The following ZNF804B variants were observed in gnomAD, a reference collection of about 807,000 sequenced individuals.
ZNF804B encodes the protein zinc finger 804B.
A neutral mutation model predicts 101.4 loss-of-function variants in ZNF804B; 80 were observed. The observed-to-expected ratio is 0.79, with a 90% CI of 0.66 to 0.95. The LOEUF is 0.95. Ranked by LOEUF, ZNF804B falls within the 40% of genes least tolerant of loss-of-function variation. The pLI is 0.00. For synonymous variants in ZNF804B, 622 were observed against 558.8 expected (o/e 1.11, Z -1.59); for missense variants, 1,673 against 1,561.9 (o/e 1.07, Z -1.20).
At chr7:89,206,209 G>A (rs1241722048) in intron 1 of ZNF804B, among the ~76,000 whole-genome samples, 1 of 152,172 alleles carries the variant, frequency 6.6e-6, no homozygotes, top group African/African-American at 2.4e-5. Context: ...TAGGTCTTTG[G>A]GCCTGTGATG....
At position 88,888,650 on chromosome 7, in the gene ZNF804B, CTGTTTGAA is replaced by C. The variant is rs1297201598; in HGVS notation, c.108+128572_108+128579del. On this transcript the variant is annotated intron_variant, in intron 1 of 3. Coordinates refer to ENST00000333190, the MANE Select transcript of ZNF804B (RefSeq NM_181646.5). ...AAAATTGATATTTTTATTACTATAA[CTGTTTGAA>C]TGTTTTACAATGAAAAAATTTCATT... 1.1e-4 allele frequency among the ~76,000 whole-genome samples: 17 copies of C among 152,136 alleles called. No individual in the cohort carries two copies. In the East Asian group the frequency reaches 2.7e-3, roughly 24 times the overall value.
chr7:88,806,385 A>G (rs1790693590), intron 1 of ZNF804B, among the ~76,000 whole-genome samples: 1 of 152,152 alleles, frequency 6.6e-6, no homozygotes, highest in African/African-American at 2.4e-5. Flanking sequence ...TGGATTTAAG[A>G]GAGGCCACAC....
At chr7:88,870,400 A>AAAAAAAAAAAAAAG (rs781332488) in intron 1 of ZNF804B, among the ~76,000 whole-genome samples, 10 of 112,726 alleles carry the variant, frequency 8.9e-5, no homozygotes, top group African/African-American at 2.0e-4. Context: ...AAAAAAAAAA[A>AAAAAAAAAAAAAAG]AAAAAAAGGT....
intron 1 of ZNF804B, among the ~76,000 whole-genome samples, chr7:88,867,631 G>C (rs989384674): frequency 2.0e-5 from 3 of 152,026 alleles, no homozygotes; most frequent in African/African-American, 4.8e-5. Context: ...CAGTTTTCTT[G>C]GTATCCCCTA....
intron 1 of ZNF804B, among the ~76,000 whole-genome samples, chr7:89,151,142 G>A (rs1404826361): frequency 6.6e-6 from 1 of 151,894 alleles, no homozygotes; most frequent in African/African-American, 2.4e-5. Flanking sequence ...AAATTTAAAG[G>A]CAGCATAATC....
intron 1 of ZNF804B, among the ~76,000 whole-genome samples, chr7:88,885,465 A>G (rs898033749): frequency 2.0e-5 from 3 of 151,780 alleles, no homozygotes; most frequent in African/African-American, 7.3e-5. Context: ...GAAGAGGACC[A>G]TATCAGATAA....
chr7:89,143,134 T>C (rs1489810329), intron 1 of ZNF804B, among the ~76,000 whole-genome samples: 1 of 151,856 alleles, frequency 6.6e-6, no homozygotes, highest in Non-Finnish European at 1.5e-5. Flanking sequence ...TGTACATGTT[T>C]TTACCCATAA....
chr7:89,251,258 A>C (rs1377926946), intron 2 of ZNF804B, among the ~76,000 whole-genome samples: 1 of 152,256 alleles, frequency 6.6e-6, no homozygotes, highest in African/African-American at 2.4e-5. Flanking sequence ...AGGATACAAA[A>C]TGAATGTACA....
At chr7:89,261,665 C>T (rs1470634428) in intron 2 of ZNF804B, among the ~76,000 whole-genome samples, 14 of 152,156 alleles carry the variant, frequency 9.2e-5, no homozygotes, top group Admixed American at 9.2e-4. Context: ...TATGGTATAG[C>T]CTGTTATCCC....
At chr7:88,944,311 G>T (rs1793095286) in intron 1 of ZNF804B, among the ~76,000 whole-genome samples, 1 of 151,680 alleles carries the variant, frequency 6.6e-6, no homozygotes. Context: ...GTATGTAAAG[G>T]TATCACAGTG....
intron 1 of ZNF804B, among the ~76,000 whole-genome samples, chr7:89,175,434 A>G (rs1239554731): frequency 1.3e-5 from 2 of 151,836 alleles, no homozygotes; most frequent in South Asian, 2.1e-4. Context: ...TCATTGGTCT[A>G]TGTGTTTTTA....
chr7:88,968,051 A>G (rs908808366), intron 1 of ZNF804B, among the ~76,000 whole-genome samples: 14 of 151,672 alleles, frequency 9.2e-5, no homozygotes, highest in Non-Finnish European at 1.5e-4. Flanking sequence ...GAGTGTGACT[A>G]TATTCTAACC....
intron 1 of ZNF804B, among the ~76,000 whole-genome samples, chr7:88,993,462 A>T (rs1226183074): frequency 6.6e-6 from 1 of 152,054 alleles, no homozygotes; most frequent in East Asian, 1.9e-4. Flanking sequence ...GAACTAGTGA[A>T]ATAAATACCT....
rs200803415 is a variant in ZNF804B, at chr7:89,335,714, C to T, written c.2732C>T (p.Thr911Ile). The T allele has an allele frequency of 1.7e-5, 27 of 1,613,994 alleles. No individual in the cohort carries two copies. In the African/African-American group the frequency reaches 2.7e-4, roughly 16 times the overall value. ...KNCSSGPSETTESNTAEGERT... is the reference protein window; with the variant it reads ...KNCSSGPSETIESNTAEGERT... ...TGTTCCAGTGGCCCTTCAGAAACCA[C>T]AGAATCAAACACTGCAGAAGGAGAG... Residue 911 changes from threonine to isoleucine, a missense_variant, in exon 4 of 4, where the codon ACA becomes ATA. By Grantham distance (89) the Thr-to-Ile change is moderately conservative. Transcript: ENST00000333190.
chr7:88,896,497 C>G (rs1792286894), intron 1 of ZNF804B, among the ~76,000 whole-genome samples: 1 of 152,082 alleles, frequency 6.6e-6, no homozygotes. Flanking sequence ...AAAAGATTAT[C>G]AATAGTTCAT....
chr7:89,332,724 G>A (rs887110970), intron 3 of ZNF804B, among the ~76,000 whole-genome samples: 20 of 151,790 alleles, frequency 1.3e-4, no homozygotes, highest in African/African-American at 4.6e-4. Flanking sequence ...AAATATTTTG[G>A]TGAGTAAGAA....
rs145074831 is a variant in ZNF804B, at chr7:88,946,375, G to C, written c.108+186291G>C. Among the ~76,000 whole-genome samples, 1,371 of 151,876 alleles carry C rather than the reference G, an allele frequency of 9.0e-3. 20 individuals carry two copies. Among genetic ancestry groups the C allele is most frequent in the African/African-American group, 0.031 (1,301 of 41,426 alleles). The stretch of plus-strand genomic sequence containing the variant: ...TTATGTGGTTTTTGTCATTGGTTCT[G>C]TTTATGTGATGCATTACATTTATTG... On this transcript the variant is annotated intron_variant, in intron 1 of 3. Coordinates refer to ENST00000333190, the MANE Select transcript of ZNF804B (RefSeq NM_181646.5).
intron 1 of ZNF804B, among the ~76,000 whole-genome samples, chr7:89,215,055 TG>T (rs1788869101): frequency 6.6e-6 from 1 of 152,184 alleles, no homozygotes; most frequent in Non-Finnish European, 1.5e-5. Flanking sequence ...GTATGTTTTG[TG>T]GTAGAATTTA....
chr7:89,294,219 C>G lies in ZNF804B; in HGVS notation c.250-33125C>G, dbSNP rs79792205. Among the ~76,000 whole-genome samples the G allele has an allele frequency of 2.9e-3, 438 of 152,254 alleles. 3 individuals carry two copies. Among genetic ancestry groups the G allele is most frequent in the African/African-American group, 0.01 (421 of 41,536 alleles). Reference sequence around the variant, plus strand: ...GCACAGTGACCTTATCAGATTTCTGCATTTTAGGTAAAAACCATAAACTCT... The same window carrying G: ...GCACAGTGACCTTATCAGATTTCTGGATTTTAGGTAAAAACCATAAACTCT... On this transcript the variant is annotated intron_variant, in intron 2 of 3. Transcript: ENST00000333190.
Sources: gnomAD v4.1 joint callset for allele counts (sites outside exome capture counted in the v4.1 genomes callset) on GRCh38, gnomAD v4.1.1 for gene constraint, MANE v1.5 for transcripts, NCBI Gene and HGNC (gene_info 2026-07-23, HGNC 2026-07-21) for gene names.